Variants in CUX1 observed in about 807,000 individuals in gnomAD.
CUX1 encodes protein CASP.
In CUX1, 31 loss-of-function variants were observed where a neutral mutation model predicts 158.8. The observed-to-expected ratio is 0.20, with a 90% confidence interval of 0.15 to 0.26. The LOEUF (loss-of-function observed/expected upper bound fraction) is 0.26. Ranked by LOEUF, CUX1 falls within the 10% of genes least tolerant of loss-of-function variation. The pLI is 1.00. For missense variants in CUX1, 1,589 were observed against 2,014.6 expected, an observed-to-expected ratio of 0.79 and a Z score of 4.04; for synonymous variants, 879 against 862.1, an observed-to-expected ratio of 1.02 and a Z score of -0.34.
At chr7:102,093,526 T>A (rs1828870517) in intron 4 of CUX1, among the ~76,000 whole-genome samples, 1 of 152,212 alleles carries the variant, frequency 6.6e-6, no homozygotes, top group Non-Finnish European at 1.5e-5. Context: ...CAAAGTCGTT[T>A]GCCTGGCGGG....
chr7:102,276,684 C>T (rs1190480541), intron 17 of CUX1, among the ~76,000 whole-genome samples: 1 of 152,156 alleles, frequency 6.6e-6, no homozygotes, highest in Non-Finnish European at 1.5e-5. Flanking sequence ...TTTCACGTTG[C>T]CTTTAGATTG....
chr7:102,258,959 G>A (rs1353960069), downstream of CUX1, among the ~76,000 whole-genome samples: 2 of 152,226 alleles, frequency 1.3e-5, no homozygotes, highest in African/African-American at 4.8e-5. Flanking sequence ...CCGCGCAGTT[G>A]TGACTCAGAG....
At chr7:101,860,310 C>A (rs1415475490) in intron 1 of CUX1, among the ~76,000 whole-genome samples, 2 of 152,342 alleles carry the variant, frequency 1.3e-5, no homozygotes, top group Admixed American at 6.5e-5. Context: ...TGTCTAGTTT[C>A]ATCTCCGCCC....
At position 102,201,322 on chromosome 7, in the gene CUX1, C is replaced by A; in HGVS notation, c.2063-38C>A. ...GAAGCATGTCCCCAGCTGAAGGGGG[C>A]CGCCCTGCCACACTCTCACCCCTGT... On this transcript the variant is annotated intron_variant, in intron 17 of 23. Coordinates refer to ENST00000292535, the MANE Select transcript of CUX1 (RefSeq NM_181552.4). This position sits in a 1 kb window ranked among gnomAD's most constrained non-coding sequence, Gnocchi z 5.0. The A allele has an allele frequency of 6.3e-7, 1 of 1,590,426 alleles. No individual in the cohort carries two copies.
In CUX1 at chr7:102,252,117, AT is replaced by A; in HGVS notation, c.*3078del. ...TTCTGTGTATTTTTTTTCCTCTATT[AT>A]TTATTTTTTTAAAAAAAATAGAGAT... On this transcript the variant is annotated 3_prime_UTR_variant, in exon 24 of 24. Transcript: ENST00000292535. The A allele has an allele frequency of 1.0e-6, 1 of 983,808 alleles. No individual in the cohort carries two copies. The highest frequency in any genetic ancestry group is 1.2e-6 in the Non-Finnish European group (1 of 828,706). The allele number at this position is 983,808 out of a possible 1,614,324, so 60.9% of individuals were successfully genotyped here.
intron 1 of CUX1, among the ~76,000 whole-genome samples, chr7:101,913,682 T>C (rs970629079): frequency 9.9e-5 from 15 of 151,942 alleles, no homozygotes; most frequent in African/African-American, 3.6e-4. Flanking sequence ...AAGACATCGG[T>C]AGATGCCCAC....
intron 3 of CUX1, among the ~76,000 whole-genome samples, chr7:102,045,940 G>T (rs1238263635): frequency 1.3e-5 from 2 of 152,208 alleles, no homozygotes; most frequent in Non-Finnish European, 2.9e-5. Context: ...GGTTCAGGTT[G>T]CCAAGGAAGG....
At chr7:102,049,286 C>G (rs1344251744) in intron 3 of CUX1, among the ~76,000 whole-genome samples, 3 of 152,242 alleles carry the variant, frequency 2.0e-5, no homozygotes, top group Non-Finnish European at 4.4e-5. Flanking sequence ...TCAGCAACAG[C>G]TGCGTGCCAG....
At chr7:102,167,473 G>A (rs377137828) in intron 9 of CUX1, among the ~76,000 whole-genome samples, 77 of 152,248 alleles carry the variant, frequency 5.1e-4, no homozygotes, top group Middle Eastern at 6.8e-3. Flanking sequence ...AGCGCTGGCC[G>A]TTCCAGAACA....
intron 8 of CUX1, among the ~76,000 whole-genome samples, chr7:102,135,291 A>T (rs1833776473): frequency 6.6e-6 from 1 of 152,172 alleles, no homozygotes; most frequent in South Asian, 2.1e-4. Flanking sequence ...GGCAGAGAAA[A>T]GAAAATGTTA....
intron 3 of CUX1, among the ~76,000 whole-genome samples, chr7:102,029,771 T>C (rs1820499552): frequency 6.6e-6 from 1 of 152,166 alleles, no homozygotes; most frequent in Non-Finnish European, 1.5e-5. Flanking sequence ...GAACAGTCTT[T>C]TTCTCAGAAC....
intron 3 of CUX1, among the ~76,000 whole-genome samples, chr7:102,029,998 A>G (rs953588492): frequency 6.7e-6 from 1 of 149,698 alleles, no homozygotes; most frequent in Non-Finnish European, 1.5e-5. Flanking sequence ...AGATTAGTAC[A>G]GTGAATACCT....
At chr7:101,933,192 C>T (rs930777984) in intron 2 of CUX1, among the ~76,000 whole-genome samples, 5 of 151,764 alleles carry the variant, frequency 3.3e-5, no homozygotes, top group Admixed American at 6.6e-5. Flanking sequence ...TCCAGTGCCT[C>T]GATAAATCAC....
intron 2 of CUX1, among the ~76,000 whole-genome samples, chr7:101,953,719 A>T (rs1809398089): frequency 6.6e-6 from 1 of 152,192 alleles, no homozygotes. Context: ...GGCCCGTGCC[A>T]GGACACAGTC....
At chr7:102,141,767 T>A (rs1834488652) in intron 8 of CUX1, among the ~76,000 whole-genome samples, 1 of 149,162 alleles carries the variant, frequency 6.7e-6, no homozygotes, top group African/African-American at 2.5e-5. Flanking sequence ...GGATTACAGG[T>A]GCACACCACC....
At chr7:102,013,397 A>C (rs1430093418) in intron 2 of CUX1, among the ~76,000 whole-genome samples, 1 of 152,218 alleles carries the variant, frequency 6.6e-6, no homozygotes, top group Non-Finnish European at 1.5e-5. Context: ...GAGATATAGA[A>C]TGTCTTCAAC....
chr7:101,984,125 TATATAC>T (rs778549821), intron 2 of CUX1, among the ~76,000 whole-genome samples: 4,347 of 31,304 alleles, frequency 0.14, 325 homozygotes, highest in Non-Finnish European at 0.18. Context: ...TATATATATA[TATATAC>T]ACACACACAT....
intron 1 of CUX1, among the ~76,000 whole-genome samples, chr7:101,818,541 A>T (rs1490278179): frequency 6.6e-6 from 1 of 152,218 alleles, no homozygotes; most frequent in Non-Finnish European, 1.5e-5. Flanking sequence ...CCAGGGTTCC[A>T]TCGAAAGTTT....
At chr7:102,098,453 C>T (rs1421616222) in intron 5 of CUX1, among the ~76,000 whole-genome samples, 2 of 152,026 alleles carry the variant, frequency 1.3e-5, no homozygotes, top group African/African-American at 4.8e-5. Flanking sequence ...CTCTACAGAA[C>T]ATCAGAAATT....
Sources: gnomAD v4.1 joint callset for allele counts (sites outside exome capture counted in the v4.1 genomes callset) on GRCh38, gnomAD v4.1.1 for gene constraint, Gnocchi (gnomAD v3.1) non-coding constraint, MANE v1.5 for transcripts, NCBI Gene and HGNC (gene_info 2026-07-23, HGNC 2026-07-21) for gene names.